The following CSMD1 variants were observed in gnomAD, a reference collection of about 807,000 sequenced individuals.
The protein encoded by CSMD1 is CUB and sushi domain-containing protein 1.
Under a neutral mutation model 417.5 loss-of-function variants are expected in CSMD1, and 213 were observed. The ratio of observed to expected loss-of-function variants is 0.51; its 90% CI spans 0.46 to 0.57. The LOEUF is 0.57. Ranked by LOEUF, CSMD1 falls within the 20% of genes least tolerant of loss-of-function variation. The pLI, the probability that CSMD1 is intolerant of heterozygous loss-of-function variation, is 0.00. For missense variants in CSMD1, 6,923 were observed against 4,529.7 expected, an observed-to-expected ratio of 1.53 and a Z score of -15.17; for synonymous variants, 2,862 against 1,736.8, an observed-to-expected ratio of 1.65 and a Z score of -16.11.
At chr8:4,396,278 A>C (rs1260180601) in intron 3 of CSMD1, among the ~76,000 whole-genome samples, 1 of 151,038 alleles carries the variant, frequency 6.6e-6, no homozygotes, top group Non-Finnish European at 1.5e-5. Flanking sequence ...CTTGGGGAAT[A>C]CAGTGAGACA....
intron 1 of CSMD1, among the ~76,000 whole-genome samples, chr8:4,646,843 T>C (rs1302527772): frequency 6.6e-6 from 1 of 152,222 alleles, no homozygotes; most frequent in Non-Finnish European, 1.5e-5. Flanking sequence ...ATGAGGGTTT[T>C]TTGTTATGAA....
intron 5 of CSMD1, among the ~76,000 whole-genome samples, chr8:3,790,254 T>A (rs1799661249): frequency 6.6e-6 from 1 of 152,144 alleles, no homozygotes; most frequent in South Asian, 2.1e-4. Context: ...GCATTATCAA[T>A]CAAACTGAAA....
intron 1 of CSMD1, among the ~76,000 whole-genome samples, chr8:4,722,001 T>A (rs1809088843): frequency 6.6e-6 from 1 of 152,156 alleles, no homozygotes; most frequent in African/African-American, 2.4e-5. Context: ...GAACGATGGT[T>A]ATTGGAGTGG....
intron 8 of CSMD1, among the ~76,000 whole-genome samples, chr8:3,614,730 A>G (rs529717481): frequency 2.2e-4 from 33 of 152,358 alleles, no homozygotes; most frequent in South Asian, 4.1e-4. Flanking sequence ...TCTGATACAC[A>G]AAGTATATAT....
chr8:4,764,196 G>A (rs978172184), intron 1 of CSMD1, among the ~76,000 whole-genome samples: 3 of 152,176 alleles, frequency 2.0e-5, no homozygotes, highest in African/African-American at 7.2e-5. Flanking sequence ...GAGTGACCAT[G>A]TGTTTTTCAG....
intron 5 of CSMD1, among the ~76,000 whole-genome samples, chr8:3,831,088 G>C (rs966484331): frequency 6.6e-6 from 1 of 152,132 alleles, no homozygotes; most frequent in East Asian, 1.9e-4. Context: ...ATCAAATATT[G>C]AGTGTCCAAT....
At chr8:3,429,859 G>C (rs772786415) in intron 12 of CSMD1, among the ~76,000 whole-genome samples, 3 of 152,102 alleles carry the variant, frequency 2.0e-5, no homozygotes, top group Non-Finnish European at 2.9e-5. Context: ...GCAACAGCCA[G>C]CACTACTGAG....
intron 5 of CSMD1, among the ~76,000 whole-genome samples, chr8:3,953,300 C>T (rs907777443): frequency 6.6e-6 from 1 of 152,050 alleles, no homozygotes; most frequent in African/African-American, 2.4e-5. Context: ...GAAATTCTCT[C>T]ATAAAATAAA....
chr8:3,522,331 A>G (rs1419619057), intron 10 of CSMD1, among the ~76,000 whole-genome samples: 2 of 152,212 alleles, frequency 1.3e-5, no homozygotes, highest in Non-Finnish European at 2.9e-5. Flanking sequence ...ATTGTAAAGG[A>G]TATCTTTTGA....
At chr8:4,332,631 A>T (rs1799936531) in intron 3 of CSMD1, among the ~76,000 whole-genome samples, 1 of 150,612 alleles carries the variant, frequency 6.6e-6, no homozygotes, top group Non-Finnish European at 1.5e-5. Context: ...AGACATTCAG[A>T]TACACAGACA....
At chr8:3,192,619 G>A (rs188249418) in intron 33 of CSMD1, among the ~76,000 whole-genome samples, 1 of 152,284 alleles carries the variant, frequency 6.6e-6, no homozygotes, top group Admixed American at 6.5e-5. Context: ...TTGGCACAAC[G>A]GAGAAGTCCT....
At chr8:4,329,253 A>C (rs904701018) in intron 3 of CSMD1, among the ~76,000 whole-genome samples, 3 of 152,154 alleles carry the variant, frequency 2.0e-5, no homozygotes, top group African/African-American at 7.2e-5. Flanking sequence ...CACAGAATAC[A>C]AACAAAGACC....
At chr8:4,175,512 A>G (rs981786520) in intron 3 of CSMD1, among the ~76,000 whole-genome samples, 1 of 152,186 alleles carries the variant, frequency 6.6e-6, no homozygotes, top group East Asian at 1.9e-4. Flanking sequence ...CACAAAGACA[A>G]CTGATAGAAG....
rs139631586 is a variant in CSMD1, at chr8:3,995,027, C to T, written c.818+2876G>A. On this transcript the variant is annotated intron_variant, in intron 5 of 69. Coordinates refer to ENST00000635120, the MANE Select transcript of CSMD1 (RefSeq NM_033225.6). ...AGGTCGCAGCACCCACAATGCTCCCCGTCCCTGTCTATGCAATTCGGGAAT... is the reference window on the plus strand; with the variant it reads ...AGGTCGCAGCACCCACAATGCTCCCTGTCCCTGTCTATGCAATTCGGGAAT... Among the ~76,000 whole-genome samples the T allele has an allele frequency of 3.5e-3, 533 of 152,214 alleles. 3 individuals carry two copies. Among genetic ancestry groups the T allele is most frequent in the Non-Finnish European group, 6.0e-3 (409 of 68,014 alleles).
At chr8:4,297,287 C>G (rs953145245) in intron 3 of CSMD1, among the ~76,000 whole-genome samples, 3 of 151,908 alleles carry the variant, frequency 2.0e-5, no homozygotes, top group African/African-American at 7.3e-5. Context: ...AAGAAACAGC[C>G]TTGTATCTTA....
chr8:3,896,429 T>C (rs992349763), intron 5 of CSMD1, among the ~76,000 whole-genome samples: 1 of 152,102 alleles, frequency 6.6e-6, no homozygotes, highest in Admixed American at 6.6e-5. Context: ...ACATGTAATG[T>C]CTCCAAAACG....
rs540380277 is a variant in CSMD1, at chr8:4,378,713, G to C, written c.415+41240C>G. On this transcript the variant is annotated intron_variant, in intron 3 of 69. Transcript: ENST00000635120. ...ATGTTGAAACCTAATATTCAGTGTG[G>C]TGGTCTTAGAAGGTGAGGCCTTTGG... is the stretch of plus-strand genomic sequence containing the variant. Among the ~76,000 whole-genome samples, 4 of 152,322 alleles carry C rather than the reference G, an allele frequency of 2.6e-5. No individual in the cohort carries two copies. The South Asian group carries it at 8.3e-4, about 32-fold the overall frequency.
chr8:4,297,888 G>A (rs749470768), intron 3 of CSMD1, among the ~76,000 whole-genome samples: 4 of 152,084 alleles, frequency 2.6e-5, no homozygotes, highest in South Asian at 2.1e-4. Flanking sequence ...AAAATTTATC[G>A]AATGTTTTAA....
rs117340997 is a variant in CSMD1 at position 4,284,025 on chromosome 8, G to T, written c.415+135928C>A. 2.5e-4 allele frequency among the ~76,000 whole-genome samples: 38 copies of T among 152,204 alleles called. No individual in the cohort carries two copies. In the East Asian group the frequency reaches 7.0e-3, roughly 28 times the overall value. On this transcript the variant is annotated intron_variant, in intron 3 of 69. Coordinates refer to ENST00000635120, the MANE Select transcript of CSMD1 (RefSeq NM_033225.6). ...AGGAAGGTGAATCACTTGAGGTCAG[G>T]AATTCGAAACCAGGCTGGCCATCAT...
Sources: gnomAD v4.1 joint callset for allele counts (sites outside exome capture counted in the v4.1 genomes callset) on GRCh38, gnomAD v4.1.1 for gene constraint, MANE v1.5 for transcripts, NCBI Gene and HGNC (gene_info 2026-07-23, HGNC 2026-07-21) for gene names.